ZBTB20: variants seen among roughly 807,000 people sequenced by gnomAD.
ZBTB20 encodes the protein zinc finger and BTB domain-containing protein 20.
In ZBTB20, 9 loss-of-function variants were observed where a neutral mutation model predicts 56.9. The ratio of observed to expected loss-of-function variants is 0.16; its 90% confidence interval spans 0.10 to 0.28. The LOEUF (loss-of-function observed/expected upper bound fraction) is 0.28, where lower values mean the gene tolerates loss of function less well. Among genes scored for constraint, ZBTB20 ranks in the 10% least tolerant of loss-of-function variants. The probability of loss-of-function intolerance (pLI) is 1.00; values close to 1 mark genes in which losing one functional copy is unlikely to be tolerated. For synonymous variants in ZBTB20, 417 were observed against 420.7 expected (o/e 0.99, Z 0.11); for missense variants, 655 against 1,003.0 (o/e 0.65, Z 4.69).
chr3:114,918,452 C>T (rs1396309544), intron 3 of ZBTB20, among the ~76,000 whole-genome samples: 1 of 152,026 alleles, frequency 6.6e-6, no homozygotes, highest in African/African-American at 2.4e-5. Flanking sequence ...GTAGCCACCA[C>T]AGCTGGGAAT....
chr3:114,644,576 G>T (rs1298305832), intron 6 of ZBTB20, among the ~76,000 whole-genome samples: 1 of 152,090 alleles, frequency 6.6e-6, no homozygotes, highest in African/African-American at 2.4e-5. Context: ...AGTCAGAATG[G>T]CTGTTGTTAA....
intron 5 of ZBTB20, chr3:114,758,826 G>A (rs2068216997): frequency 6.6e-6 from 1 of 152,132 alleles, no homozygotes. Context: ...TAACAGTTAT[G>A]CTTTTTCCCT....
chr3:114,828,175 A>G (rs753660449), intron 4 of ZBTB20, among the ~76,000 whole-genome samples: 3 of 151,796 alleles, frequency 2.0e-5, no homozygotes. Flanking sequence ...TGTCAAATAG[A>G]ATAAATTTCA....
chr3:114,439,153 T>A (rs969179131), intron 7 of ZBTB20, among the ~76,000 whole-genome samples: 3 of 152,036 alleles, frequency 2.0e-5, no homozygotes, highest in African/African-American at 7.2e-5. Context: ...GTCTGGGAAT[T>A]CAAACATATT....
At chr3:114,989,878 TTCAC>T (rs1171199908) in intron 2 of ZBTB20, among the ~76,000 whole-genome samples, 1 of 152,124 alleles carries the variant, frequency 6.6e-6, no homozygotes, top group East Asian at 1.9e-4. Flanking sequence ...TGAATGGGAG[TTCAC>T]TCATGATCTG....
At chr3:114,547,283 T>C (rs1447994430) in intron 6 of ZBTB20, among the ~76,000 whole-genome samples, 1 of 152,152 alleles carries the variant, frequency 6.6e-6, no homozygotes, top group African/African-American at 2.4e-5. Flanking sequence ...GTATCCTAGA[T>C]GCTTAAAAAA....
intron 6 of ZBTB20, among the ~76,000 whole-genome samples, chr3:114,602,394 C>A (rs547644410): frequency 6.6e-6 from 1 of 151,984 alleles, no homozygotes; most frequent in African/African-American, 2.4e-5. Flanking sequence ...TTATAGTATA[C>A]GTGGAACTCT....
intron 1 of ZBTB20, among the ~76,000 whole-genome samples, chr3:115,136,017 A>G (rs2084643516): frequency 6.6e-6 from 1 of 152,110 alleles, no homozygotes; most frequent in Non-Finnish European, 1.5e-5. Context: ...GATATGAAAT[A>G]TGGGTTTCAT....
At chr3:114,479,963 C>T (rs971854664) in intron 7 of ZBTB20, among the ~76,000 whole-genome samples, 6 of 152,226 alleles carry the variant, frequency 3.9e-5, no homozygotes, top group Non-Finnish European at 8.8e-5. Context: ...ATTTCTAGAC[C>T]TTGATGGTAC....
chr3:114,389,268 G>T (rs916891685), intron 7 of ZBTB20, among the ~76,000 whole-genome samples, 163 bp from the exon 8 acceptor site: 1 of 152,182 alleles, frequency 6.6e-6, no homozygotes, highest in Admixed American at 6.5e-5. Context: ...AGGGAGAATG[G>T]AGAGGATGTT....
At chr3:114,561,173 C>T (rs2051997104) in intron 6 of ZBTB20, among the ~76,000 whole-genome samples, 1 of 152,168 alleles carries the variant, frequency 6.6e-6, no homozygotes, top group Admixed American at 6.5e-5. Flanking sequence ...TTGTTATTTT[C>T]ATCACATTAT....
intron 3 of ZBTB20, among the ~76,000 whole-genome samples, chr3:114,945,864 G>A (rs1271259882): frequency 6.9e-6 from 1 of 144,776 alleles, no homozygotes; most frequent in Non-Finnish European, 1.5e-5. Flanking sequence ...AAACACCAAC[G>A]AAAAGAAGGC....
chr3:114,742,281 T>C (rs920438315), intron 5 of ZBTB20, among the ~76,000 whole-genome samples: 6 of 152,172 alleles, frequency 3.9e-5, no homozygotes, highest in Non-Finnish European at 7.4e-5. Flanking sequence ...TGATTGTACC[T>C]AACAATAATA....
intron 6 of ZBTB20, among the ~76,000 whole-genome samples, chr3:114,564,527 C>T (rs1272855198): frequency 6.6e-6 from 1 of 152,144 alleles, no homozygotes; most frequent in African/African-American, 2.4e-5. Flanking sequence ...ATGTACAACT[C>T]TCCAGTTTCT....
chr3:114,882,808 C>T (rs1276739204), intron 4 of ZBTB20, among the ~76,000 whole-genome samples: 1 of 152,070 alleles, frequency 6.6e-6, no homozygotes, highest in Non-Finnish European at 1.5e-5. Flanking sequence ...ATAGTGCTAT[C>T]AGTCGGTAAA....
intron 4 of ZBTB20, among the ~76,000 whole-genome samples, chr3:114,849,647 T>G (rs535985810): frequency 6.6e-6 from 1 of 152,342 alleles, no homozygotes; most frequent in Non-Finnish European, 1.5e-5. Context: ...ATGCTTTGTA[T>G]TGTTAAGTAA....
intron 4 of ZBTB20, among the ~76,000 whole-genome samples, chr3:114,857,696 G>A (rs1469941565): frequency 2.0e-5 from 3 of 152,176 alleles, no homozygotes; most frequent in Non-Finnish European, 4.4e-5. Context: ...TGCAGCAAAT[G>A]TGCTTATTTA....
rs1021856616 is a variant in ZBTB20 at position 114,339,662 on chromosome 3, T to C, written c.1805-236A>G. 6.6e-6 allele frequency among the ~76,000 whole-genome samples: 1 copy of C among 152,218 alleles called. No individual in the cohort carries two copies. Among genetic ancestry groups the C allele is most frequent in the African/African-American group, 2.4e-5 (1 of 41,462 alleles). ...GACAGTTTTGTTTTCCATTTCCCTG[T>C]GCCATAAAACGGCTTTCTTGGAAAG... is the stretch of plus-strand genomic sequence containing the variant. On this transcript the variant is annotated intron_variant, in intron 11 of 11. Transcript: ENST00000675478. The surrounding 1 kb of genome is among the most constrained non-coding windows in gnomAD (Gnocchi z 4.2).
At chr3:114,582,463 C>T (rs2054743778) in intron 6 of ZBTB20, among the ~76,000 whole-genome samples, 1 of 151,834 alleles carries the variant, frequency 6.6e-6, no homozygotes, top group African/African-American at 2.4e-5. Context: ...CAGCCCACTA[C>T]AACCTCCGCC....
Sources: gnomAD v4.1 joint callset for allele counts (sites outside exome capture counted in the v4.1 genomes callset) on GRCh38, gnomAD v4.1.1 for gene constraint, Gnocchi (gnomAD v3.1) non-coding constraint, MANE v1.5 for transcripts, NCBI Gene and HGNC (gene_info 2026-07-23, HGNC 2026-07-21) for gene names.